Variants in ROBO2 observed in about 807,000 individuals in gnomAD.
ROBO2 encodes roundabout homolog 2.
Under a neutral mutation model 160.8 loss-of-function variants are expected in ROBO2, and 53 were observed. That is an observed-to-expected ratio of 0.33 (90% CI 0.26 to 0.41). The LOEUF is 0.41. Ranked by LOEUF, ROBO2 falls within the 10% of genes least tolerant of loss-of-function variation. The probability of loss-of-function intolerance (pLI) is 1.00; values close to 1 mark genes in which losing one functional copy is unlikely to be tolerated. For missense variants in ROBO2, 1,577 were observed against 1,722.4 expected (o/e 0.92, Z 1.49); for synonymous variants, 664 against 611.7 (o/e 1.09, Z -1.26).
intron 2 of ROBO2, among the ~76,000 whole-genome samples, chr3:75,941,390 G>T (rs1407908073): frequency 2.0e-5 from 3 of 152,142 alleles, no homozygotes; most frequent in African/African-American, 7.2e-5. Flanking sequence ...GTTTTCAAAA[G>T]CAAGTTAGCC....
intron 2 of ROBO2, among the ~76,000 whole-genome samples, chr3:77,272,414 G>T (rs13071107): frequency 4.6e-5 from 7 of 151,828 alleles, no homozygotes; most frequent in Non-Finnish European, 8.8e-5. Context: ...GGAAGAGAAG[G>T]GCGGGGGGGA....
At chr3:76,681,012 T>C (rs1372574342) in intron 2 of ROBO2, among the ~76,000 whole-genome samples, 2 of 151,942 alleles carry the variant, frequency 1.3e-5, no homozygotes, top group Non-Finnish European at 2.9e-5. Context: ...CCTGACCTCA[T>C]GTGATCCGCC....
chr3:77,514,993 GGAAA>G (rs1009796173), intron 5 of ROBO2, among the ~76,000 whole-genome samples: 6 of 151,776 alleles, frequency 4.0e-5, no homozygotes, highest in Non-Finnish European at 7.4e-5. Flanking sequence ...TGTGGTTTTG[GGAAA>G]GAAACTTTGT....
chr3:77,198,028 C>T (rs1467836434), intron 2 of ROBO2, among the ~76,000 whole-genome samples: 1 of 152,194 alleles, frequency 6.6e-6, no homozygotes, highest in Non-Finnish European at 1.5e-5. Flanking sequence ...GTCCTATTCA[C>T]ATTTGTATCA....
intron 2 of ROBO2, among the ~76,000 whole-genome samples, chr3:76,604,731 TG>T (rs1291595688): frequency 6.6e-6 from 1 of 152,174 alleles, no homozygotes. Context: ...GTATGTAGTA[TG>T]GAAATGTTGA....
rs138243529 is a variant in ROBO2, at chr3:77,165,721, A to G, written c.388+67381A>G. ...AGTATCCAGCTTGATGAATTTTTGC[A>G]AACTGAACACATCTGTATCACCAGC... On this transcript the variant is annotated intron_variant, in intron 2 of 25. Transcript: ENST00000461745. 2.9e-4 allele frequency among the ~76,000 whole-genome samples: 44 copies of G among 152,284 alleles called. 1 individual carries two copies. In the East Asian group the frequency reaches 7.9e-3, roughly 27 times the overall value.
chr3:76,996,362 G>A (rs1422622071), intron 2 of ROBO2, among the ~76,000 whole-genome samples: 2 of 152,164 alleles, frequency 1.3e-5, no homozygotes, highest in Admixed American at 6.5e-5. Flanking sequence ...TAGCCTTGTA[G>A]TATTGTTTGA....
chr3:77,085,991 G>T (rs1050229928), intron 1 of ROBO2, among the ~76,000 whole-genome samples: 1 of 151,984 alleles, frequency 6.6e-6, no homozygotes, highest in African/African-American at 2.4e-5. Context: ...TAATGGAAAA[G>T]CAACCAAAAA....
chr3:76,628,461 T>C (rs193141461), intron 2 of ROBO2, among the ~76,000 whole-genome samples: 65 of 135,956 alleles, frequency 4.8e-4, no homozygotes, highest in Admixed American at 1.3e-3. Flanking sequence ...AGAGATGGGG[T>C]CTTGCTATGT....
chr3:76,484,015 G>A (rs1051549046), intron 2 of ROBO2, among the ~76,000 whole-genome samples: 9 of 152,098 alleles, frequency 5.9e-5, no homozygotes, highest in Admixed American at 2.0e-4. Context: ...GAAAAGTGTG[G>A]CAAAGAACGT....
chr3:76,959,950 C>CT (rs60982085), intron 2 of ROBO2, among the ~76,000 whole-genome samples: 51 of 151,152 alleles, frequency 3.4e-4, no homozygotes, highest in South Asian at 1.7e-3. Context: ...ATTTATCCAT[C>CT]TTTTTTTTTA....
chr3:76,556,825 A>G (rs755005810), intron 2 of ROBO2, among the ~76,000 whole-genome samples: 106 of 152,126 alleles, frequency 7.0e-4, no homozygotes, highest in Non-Finnish European at 1.0e-3. Flanking sequence ...TAACACGTAA[A>G]AAATAAGTTG....
At chr3:76,761,414 G>A (rs554142056) in intron 2 of ROBO2, among the ~76,000 whole-genome samples, 1 of 151,728 alleles carries the variant, frequency 6.6e-6, no homozygotes, top group African/African-American at 2.4e-5. Flanking sequence ...GAGCTGCCTC[G>A]CCATCCTGTT....
chr3:77,547,699 G>T (rs2092752399), intron 7 of ROBO2, among the ~76,000 whole-genome samples: 1 of 151,990 alleles, frequency 6.6e-6, no homozygotes, highest in African/African-American at 2.4e-5. Context: ...TCTCCTTGGT[G>T]GAGTCATTCC....
At position 77,454,928 on chromosome 3, in the gene ROBO2, A is replaced by G. The variant is rs115834866; in HGVS notation, c.389-22486A>G. Reference sequence around the variant, plus strand: ...TTATAGTGAACACATTCCTACAGCCAGGCTGAGACTGTAATTTAGTCTACC... The same window carrying G: ...TTATAGTGAACACATTCCTACAGCCGGGCTGAGACTGTAATTTAGTCTACC... On this transcript the variant is annotated intron_variant, in intron 2 of 25. Transcript: ENST00000461745. Among the ~76,000 whole-genome samples the G allele has an allele frequency of 6.2e-3, 938 of 152,308 alleles. 11 individuals carry two copies. Among genetic ancestry groups the G allele is most frequent in the African/African-American group, 0.021 (876 of 41,568 alleles).
chr3:77,109,314 C>T (rs2073263539), intron 2 of ROBO2, among the ~76,000 whole-genome samples: 2 of 152,134 alleles, frequency 1.3e-5, no homozygotes, highest in East Asian at 1.9e-4. Flanking sequence ...TGTGAATATA[C>T]TTAACACTAC....
chr3:77,079,514 A>C (rs1462101705), intron 1 of ROBO2, among the ~76,000 whole-genome samples: 5 of 152,120 alleles, frequency 3.3e-5, no homozygotes, highest in Non-Finnish European at 7.4e-5. Flanking sequence ...TTTGAGAAAA[A>C]CCCCACAAAA....
At chr3:77,400,102 T>C (rs1433497238) in intron 2 of ROBO2, among the ~76,000 whole-genome samples, 1 of 152,186 alleles carries the variant, frequency 6.6e-6, no homozygotes, top group East Asian at 1.9e-4. Flanking sequence ...TTGACATTGA[T>C]TAAATTCCAC....
rs1005062880 is a variant in ROBO2 at position 76,018,957 on chromosome 3, T to C, written c.109+81355T>C. Among the ~76,000 whole-genome samples, 11 of 151,694 alleles carry C rather than the reference T, an allele frequency of 7.3e-5. 2 individuals are homozygous for C. The highest frequency in any genetic ancestry group is 1.5e-4 in the Non-Finnish European group (10 of 67,842). ...TGAGAATACGGTGTATTCCTTCAAA[T>C]TGGCTAATATTTGCATTATGGTCTC... is the stretch of plus-strand genomic sequence containing the variant. On this transcript the variant is annotated intron_variant, in intron 2 of 26. Coordinates refer to the ROBO2 transcript ENST00000487694.
Sources: allele counts gnomAD v4.1 joint callset (sites outside exome capture counted in the v4.1 genomes callset), GRCh38; gene constraint gnomAD v4.1.1; transcripts MANE v1.5; gene names NCBI Gene and HGNC (gene_info 2026-07-23, HGNC 2026-07-21).